POLQ: variants seen among roughly 807,000 people sequenced by gnomAD.
POLQ encodes the protein epididymis secretory sperm binding protein.
A neutral mutation model predicts 259.2 loss-of-function variants in POLQ; 233 were observed. That is an observed-to-expected ratio of 0.90 (90% CI 0.81 to 1.00). The LOEUF is 1.00. Ranked by LOEUF, POLQ falls within the 50% of genes least tolerant of loss-of-function variation. The pLI is 0.00. For missense variants in POLQ, 2,871 were observed against 3,051.6 expected, an observed-to-expected ratio of 0.94 and a Z score of 1.39; for synonymous variants, 1,025 against 1,048.8, an observed-to-expected ratio of 0.98 and a Z score of 0.44.
At chr3:121,497,311 A>G (rs1042257846) in intron 13 of POLQ, among the ~76,000 whole-genome samples, 1 of 152,230 alleles carries the variant, frequency 6.6e-6, no homozygotes, top group Non-Finnish European at 1.5e-5. Context: ...ATAGCATCCA[A>G]TTTTGATTTG....
chr3:121,499,017 G>A (rs979935009), intron 12 of POLQ, among the ~76,000 whole-genome samples: 39 of 152,216 alleles, frequency 2.6e-4, no homozygotes, highest in Non-Finnish European at 4.7e-4. Flanking sequence ...GGAGTTTGAG[G>A]CTGCAGTAAG....
At chr3:121,474,314 C>A (rs2047908379) in intron 20 of POLQ, among the ~76,000 whole-genome samples, 1 of 152,082 alleles carries the variant, frequency 6.6e-6, no homozygotes, top group Admixed American at 6.6e-5. Context: ...GAGAAGGTGG[C>A]CAATACAATG....
chr3:121,436,249 T>A lies in POLQ; in HGVS notation c.7416A>T (p.Ile2472=), dbSNP rs757878239. The A allele has an allele frequency of 6.2e-7, 1 of 1,613,902 alleles. No individual in the cohort carries two copies. ...CAATATCAGCTGCTGATCCTTGGAC[T>A]ATTGTGTTGATAGCTTGACGCTCAG... The part of the protein sequence containing the change: ...AHAERQAINT[I]VQGSAADIVK... The change falls in exon 28 of 30, where the codon ATA becomes ATT. Residue 2472 remains isoleucine, a synonymous_variant. Coordinates refer to ENST00000264233, the MANE Select transcript of POLQ (RefSeq NM_199420.4).
At chr3:121,475,530 A>G (rs575049103) in intron 20 of POLQ, among the ~76,000 whole-genome samples, 2 of 152,358 alleles carry the variant, frequency 1.3e-5, no homozygotes, top group South Asian at 4.1e-4. Flanking sequence ...TATTAAAGTA[A>G]TAATAAAGCA....
At position 121,468,287 on chromosome 3, in the gene POLQ, C is replaced by T; in HGVS notation, c.6845+18G>A. 6.3e-7 allele frequency: 1 copy of T among 1,597,514 alleles called. No individual in the cohort carries two copies. Among genetic ancestry groups the T allele is most frequent in the Non-Finnish European group, 8.5e-7 (1 of 1,173,296 alleles). The stretch of plus-strand genomic sequence containing the variant: ...TTACAAAAGTTTATTAATACAGATA[C>T]AGAGAAACAGCACCTACCTGCCCAT... On this transcript the variant is annotated intron_variant, in intron 23 of 29. Coordinates refer to ENST00000264233, the MANE Select transcript of POLQ (RefSeq NM_199420.4).
intron 28 of POLQ, among the ~76,000 whole-genome samples, chr3:121,434,095 G>C (rs2047524277): frequency 6.6e-6 from 1 of 152,214 alleles, no homozygotes; most frequent in African/African-American, 2.4e-5. Context: ...TGACTGTCTG[G>C]ATGCTCTAGC....
At chr3:121,434,161 G>A (rs1008915218) in intron 28 of POLQ, among the ~76,000 whole-genome samples, 18 of 152,120 alleles carry the variant, frequency 1.2e-4, no homozygotes, top group Admixed American at 1.1e-3. Flanking sequence ...TGGCTACCTG[G>A]CTTCTGACCT....
rs527395744 is a variant in POLQ at position 121,452,977 on chromosome 3, G to A, written c.7153-3551C>T. On this transcript the variant is annotated intron_variant, in intron 25 of 29. Coordinates refer to ENST00000264233, the MANE Select transcript of POLQ (RefSeq NM_199420.4). The stretch of plus-strand genomic sequence containing the variant: ...CCCTTGACCCCCGAGCAGCCTAACT[G>A]GGAGGCACCCCCCAGTAGGGGCAGA... Among the ~76,000 whole-genome samples the A allele has an allele frequency of 9.4e-4, 143 of 152,250 alleles. 1 individual carries two copies. The highest frequency in any genetic ancestry group is 3.1e-3 in the African/African-American group (127 of 41,558).
At chr3:121,525,660 G>A (rs1475100656) in intron 7 of POLQ, among the ~76,000 whole-genome samples, 11 of 152,112 alleles carry the variant, frequency 7.2e-5, no homozygotes, top group Admixed American at 6.5e-4. Flanking sequence ...TCATAGAAGG[G>A]TCCGTGCCAT....
rs1206957007 is a variant in POLQ at position 121,509,566 on chromosome 3, A to G, written c.1954T>C (p.Tyr652His). Reference protein sequence around the residue: ...FVLENDLHILYLVTPMFEDWT... With the variant: ...FVLENDLHILHLVTPMFEDWT... ...ATTGTTAAAACAGAACTTACCAGAT[A>G]GAGAATATGAAGATCATTCTCTAAA... The change falls in exon 12 of 30, where the codon TAT becomes CAT. Residue 652 changes from tyrosine to histidine, a missense_variant. Physicochemically the swap from Tyr to His is moderately conservative, Grantham distance 83. Transcript: ENST00000264233. 1 of 1,609,996 alleles carries G rather than the reference A, an allele frequency of 6.2e-7. No individual in the cohort carries two copies. The highest frequency in any genetic ancestry group is 1.1e-5 in the South Asian group (1 of 89,902).
chr3:121,480,869 G>A (rs116010207), intron 19 of POLQ, among the ~76,000 whole-genome samples: 214 of 152,224 alleles, frequency 1.4e-3, no homozygotes, highest in African/African-American at 4.7e-3. Flanking sequence ...TAGTCTGTAT[G>A]AATTCATCCA....
chr3:121,477,485 G>A (rs2047936188), intron 19 of POLQ, among the ~76,000 whole-genome samples: 1 of 152,002 alleles, frequency 6.6e-6, no homozygotes, highest in African/African-American at 2.4e-5. Flanking sequence ...AATCTGAAAC[G>A]TAAAACACTT....
intron 2 of POLQ, 22 bp from the exon 3 acceptor site, chr3:121,541,501 A>T: frequency 1.9e-6 from 3 of 1,574,328 alleles, no homozygotes; most frequent in Non-Finnish European, 2.6e-6. Context: ...TTATTCCACA[A>T]GATTATAAGA....
At chr3:121,476,398 C>A in intron 20 of POLQ, 142 bp downstream of exon 20, 1 of 543,078 alleles carries the variant, frequency 1.8e-6, no homozygotes, top group Non-Finnish European at 3.2e-6. Flanking sequence ...AGAATATTCC[C>A]AAAGCAATCT....
intron 18 of POLQ, among the ~76,000 whole-genome samples, chr3:121,482,279 G>A (rs1156944163): frequency 6.6e-6 from 1 of 152,204 alleles, no homozygotes; most frequent in Non-Finnish European, 1.5e-5. Flanking sequence ...AGCACTTTGG[G>A]AGACTGAGGC....
chr3:121,508,567 T>C (rs757809532), intron 12 of POLQ, among the ~76,000 whole-genome samples: 9 of 152,224 alleles, frequency 5.9e-5, no homozygotes, highest in Non-Finnish European at 1.2e-4. Context: ...AATAAATGAC[T>C]TATTTTTAAG....
intron 4 of POLQ, among the ~76,000 whole-genome samples, chr3:121,538,245 C>T (rs1431490323): frequency 6.6e-6 from 1 of 151,866 alleles, no homozygotes; most frequent in Non-Finnish European, 1.5e-5. Context: ...GCTAGTGAGT[C>T]ATCATACTGC....
rs2047542048 is a variant in POLQ at position 121,436,148 on chromosome 3, T to C, written c.7517A>G (p.Glu2506Gly). 1 of 1,613,852 alleles carries C rather than the reference T, an allele frequency of 6.2e-7. No homozygotes were observed. The highest frequency in any genetic ancestry group is 1.3e-5 in the African/African-American group (1 of 75,048). The change falls in exon 28 of 30, where the codon GAG becomes GGG. Residue 2506 changes from glutamate to glycine, a missense_variant. Glu to Gly is a moderately conservative substitution (Grantham distance 98, BLOSUM62 -2). Transcript: ENST00000264233. ...TGTTTGGTCACTTTGGAGCATACCC[T>C]CTCGATGACCATGGGATTTGAAGGT... ...HSTFKSHGHR[E>G]GMLQSDQTGL...
intron 16 of POLQ, 90 bp downstream of exon 16, chr3:121,487,212 T>C: frequency 1.4e-6 from 1 of 701,000 alleles, no homozygotes; most frequent in Non-Finnish European, 2.3e-6. Context: ...ATAGATTATA[T>C]TTAATATCTA....
Sources: allele counts gnomAD v4.1 joint callset (sites outside exome capture counted in the v4.1 genomes callset), GRCh38; gene constraint gnomAD v4.1.1; transcripts MANE v1.5; gene names NCBI Gene and HGNC (gene_info 2026-07-23, HGNC 2026-07-21).